PHACTR3: variants seen among roughly 807,000 people sequenced by gnomAD.
The protein encoded by PHACTR3 is protein phosphatase 1, regulatory subunit 123.
A neutral mutation model predicts 66.8 loss-of-function variants in PHACTR3; 16 were observed. The observed-to-expected ratio is 0.24, with a 90% confidence interval of 0.16 to 0.36. The LOEUF is 0.36. Among genes scored for constraint, PHACTR3 ranks in the 10% least tolerant of loss-of-function variants. The pLI is 1.00. For synonymous variants in PHACTR3, 323 were observed against 292.1 expected, an observed-to-expected ratio of 1.11 and a Z score of -1.08; for missense variants, 647 against 719.9, an observed-to-expected ratio of 0.90 and a Z score of 1.16.
intron 1 of PHACTR3, among the ~76,000 whole-genome samples, chr20:59,707,753 C>T (rs1248899734): frequency 6.6e-6 from 1 of 151,994 alleles, no homozygotes; most frequent in Non-Finnish European, 1.5e-5. Flanking sequence ...GGCGTGAGCC[C>T]CCTTGCCCAG....
At chr20:59,671,400 T>C (rs1346166011) in intron 1 of PHACTR3, among the ~76,000 whole-genome samples, 1 of 152,172 alleles carries the variant, frequency 6.6e-6, no homozygotes, top group Non-Finnish European at 1.5e-5. Context: ...GCCACAGAAT[T>C]CAAAGGCAGT....
intron 1 of PHACTR3, among the ~76,000 whole-genome samples, chr20:59,707,981 A>G (rs1248488900): frequency 6.6e-6 from 1 of 152,196 alleles, no homozygotes; most frequent in Admixed American, 6.5e-5. Context: ...GGGAAAACAC[A>G]TATTTTAAAT....
At chr20:59,717,552 C>A (rs191587676) in intron 1 of PHACTR3, among the ~76,000 whole-genome samples, 3 of 152,194 alleles carry the variant, frequency 2.0e-5, no homozygotes, top group Non-Finnish European at 2.9e-5. Flanking sequence ...CTGGGACACC[C>A]GTGCTCAGAG....
At chr20:59,630,820 T>C (rs954691877) in intron 1 of PHACTR3, among the ~76,000 whole-genome samples, 9 of 151,192 alleles carry the variant, frequency 6.0e-5, no homozygotes, top group Non-Finnish European at 1.2e-4. Context: ...ACATGAGAAA[T>C]GTTGACTCAG....
At chr20:59,707,695 GC>G (rs1349045923) in intron 1 of PHACTR3, among the ~76,000 whole-genome samples, 1 of 151,828 alleles carries the variant, frequency 6.6e-6, no homozygotes, top group African/African-American at 2.4e-5. Context: ...GAACTCCTGA[GC>G]AAAAAACGAT....
Position 59,804,787 on chromosome 20 carries a change from TCTTA to T in PHACTR3, c.1175-1250_1175-1247del, listed in dbSNP as rs759209444. On this transcript the variant is annotated intron_variant, in intron 7 of 12. Transcript: ENST00000371015. ...ACTTGGCTGAGTTCCACTTTTTGTA[TCTTA>T]CTTTATCCCAAACTTCTGTGAAACG... Among the ~76,000 whole-genome samples, 125 of 152,344 alleles carry T rather than the reference TCTTA, an allele frequency of 8.2e-4. 1 individual carries two copies. Among genetic ancestry groups the T allele is most frequent in the Non-Finnish European group, 2.4e-4 (16 of 68,036 alleles).
intron 1 of PHACTR3, among the ~76,000 whole-genome samples, chr20:59,703,691 G>T (rs931392452): frequency 6.8e-6 from 1 of 147,268 alleles, no homozygotes; most frequent in Non-Finnish European, 1.5e-5. Context: ...TTTCCTTGGG[G>T]TGTGTGTGTG....
At chr20:59,751,331 C>G (rs2039573408) in intron 3 of PHACTR3, among the ~76,000 whole-genome samples, 1 of 152,204 alleles carries the variant, frequency 6.6e-6, no homozygotes, top group Non-Finnish European at 1.5e-5. Context: ...GGACTTCATG[C>G]AGGACAGGCC....
intron 1 of PHACTR3, among the ~76,000 whole-genome samples, chr20:59,699,669 G>C (rs1476210019): frequency 6.6e-6 from 1 of 152,074 alleles, no homozygotes; most frequent in Admixed American, 6.6e-5. Context: ...TTATTGGATA[G>C]TGAAAAGTCT....
At chr20:59,800,873 A>G (rs1751846) in intron 7 of PHACTR3, among the ~76,000 whole-genome samples, 111,446 of 152,172 alleles carry the variant, frequency 0.73, 46,032 homozygotes, top group Non-Finnish European at 0.93. Context: ...GCAGTGCTCA[A>G]TTATTGAGTT....
intron 7 of PHACTR3, among the ~76,000 whole-genome samples, chr20:59,789,976 C>T (rs2041038338): frequency 1.3e-5 from 2 of 152,238 alleles, no homozygotes; most frequent in African/African-American, 4.8e-5. Context: ...GTAACTAAGA[C>T]TTTGTGCATC....
At chr20:59,759,735 G>A (rs2039931989) in intron 4 of PHACTR3, among the ~76,000 whole-genome samples, 1 of 152,196 alleles carries the variant, frequency 6.6e-6, no homozygotes, top group African/African-American at 2.4e-5. Context: ...CCCACATTCT[G>A]CACCTCAGCA....
intron 1 of PHACTR3, among the ~76,000 whole-genome samples, chr20:59,741,456 C>T (rs1009454785): frequency 6.6e-6 from 1 of 152,162 alleles, no homozygotes; most frequent in African/African-American, 2.4e-5. Flanking sequence ...TTGTTGCTGC[C>T]AGAAGAAACG....
At chr20:59,730,554 A>G (rs545184872) in intron 1 of PHACTR3, among the ~76,000 whole-genome samples, 5 of 152,318 alleles carry the variant, frequency 3.3e-5, no homozygotes, top group African/African-American at 7.2e-5. Context: ...CAGAGGCTGC[A>G]GAACTGTACA....
Position 59,736,614 on chromosome 20 carries a change from C to T in PHACTR3, c.119-6493C>T, listed in dbSNP as rs921812520. Among the ~76,000 whole-genome samples, 1 of 152,088 alleles carries T rather than the reference C, an allele frequency of 6.6e-6. No individual in the cohort carries two copies. Among genetic ancestry groups the T allele is most frequent in the Admixed American group, 6.5e-5 (1 of 15,282 alleles). ...ACCCACCCACCCTCAGAGATACACACCTACCCACTCTGTGCACACCTGCCC... is the reference window on the plus strand; with the variant it reads ...ACCCACCCACCCTCAGAGATACACATCTACCCACTCTGTGCACACCTGCCC... On this transcript the variant is annotated intron_variant, in intron 1 of 12. Coordinates refer to ENST00000371015, the MANE Select transcript of PHACTR3 (RefSeq NM_080672.5). This position sits in a 1 kb window ranked among gnomAD's most constrained non-coding sequence, Gnocchi z 4.6.
At chr20:59,643,477 T>C (rs1457147307) in intron 1 of PHACTR3, among the ~76,000 whole-genome samples, 2 of 152,208 alleles carry the variant, frequency 1.3e-5, no homozygotes, top group African/African-American at 2.4e-5. Flanking sequence ...ACCCCAACTT[T>C]GCCTTTTGCT....
At position 59,690,168 on chromosome 20, in the gene PHACTR3, A is replaced by G. The variant is rs369321580; in HGVS notation, c.119-52939A>G. On this transcript the variant is annotated intron_variant, in intron 1 of 12. Coordinates refer to ENST00000371015, the MANE Select transcript of PHACTR3 (RefSeq NM_080672.5). ...CCTGCACCTCTGGCCTCATGATGGC[A>G]TGATTCTTTGAGTCTGGGGACCTGA... Among the ~76,000 whole-genome samples, 314 of 152,320 alleles carry G rather than the reference A, an allele frequency of 2.1e-3. 3 individuals are homozygous for G. Among genetic ancestry groups the G allele is most frequent in the South Asian group, 0.018 (87 of 4,824 alleles).
At chr20:59,622,989 A>AACAAAAAAAAAAAAAAC (rs1600939277) in intron 1 of PHACTR3, among the ~76,000 whole-genome samples, 2 of 141,392 alleles carry the variant, frequency 1.4e-5, no homozygotes, top group East Asian at 2.0e-4. Flanking sequence ...ACCAAAAAAA[A>AACAAAAAAAAAAAAAAC]AAAAAAAAAA....
At chr20:59,647,241 C>T (rs993194143) in intron 1 of PHACTR3, among the ~76,000 whole-genome samples, 3 of 152,188 alleles carry the variant, frequency 2.0e-5, no homozygotes, top group Non-Finnish European at 4.4e-5. Flanking sequence ...CAGGGAAACT[C>T]CCATTTATAA....
Sources: gnomAD v4.1 joint callset for allele counts (sites outside exome capture counted in the v4.1 genomes callset) on GRCh38, gnomAD v4.1.1 for gene constraint, Gnocchi (gnomAD v3.1) non-coding constraint, MANE v1.5 for transcripts, NCBI Gene and HGNC (gene_info 2026-07-23, HGNC 2026-07-21) for gene names.